TENM4: variants seen among roughly 807,000 people sequenced by gnomAD.
The protein encoded by TENM4 is teneurin-4.
In TENM4, 82 loss-of-function variants were observed where a neutral mutation model predicts 243.3. The ratio of observed to expected loss-of-function variants is 0.34; its 90% confidence interval spans 0.28 to 0.40. The LOEUF is 0.40. TENM4 is among the 10% of genes least tolerant of loss of function. The pLI, the probability that TENM4 is intolerant of heterozygous loss-of-function variation, is 1.00. For missense variants in TENM4, 3,138 were observed against 3,673.3 expected (o/e 0.85, Z 3.77); for synonymous variants, 1,412 against 1,456.3 (o/e 0.97, Z 0.69).
intron 3 of TENM4, among the ~76,000 whole-genome samples, chr11:79,168,599 A>T (rs1412149846): frequency 1.3e-5 from 2 of 152,176 alleles, no homozygotes; most frequent in Non-Finnish European, 2.9e-5. Context: ...TAGCTGGTTG[A>T]TACAGCATCT....
intron 19 of TENM4, among the ~76,000 whole-genome samples, chr11:78,750,449 C>T (rs1300920210): frequency 1.3e-5 from 2 of 152,228 alleles, no homozygotes; most frequent in Admixed American, 6.5e-5. Context: ...AGGCCATCTC[C>T]TGCCAGAAGT....
intron 6 of TENM4, among the ~76,000 whole-genome samples, chr11:78,909,061 A>C (rs1164241931): frequency 6.6e-6 from 1 of 152,212 alleles, no homozygotes; most frequent in African/African-American, 2.4e-5. Context: ...TCATCTATAA[A>C]ATGTATATAT....
intron 2 of TENM4, among the ~76,000 whole-genome samples, chr11:79,289,424 C>T (rs958769156): frequency 4.6e-5 from 7 of 152,228 alleles, no homozygotes; most frequent in Non-Finnish European, 8.8e-5. Flanking sequence ...AGTTGAGTCT[C>T]CAGGAATGGC....
At chr11:79,136,405 G>A (rs552707204) in intron 4 of TENM4, among the ~76,000 whole-genome samples, 2 of 152,266 alleles carry the variant, frequency 1.3e-5, no homozygotes, top group African/African-American at 2.4e-5. Flanking sequence ...GTGGGCCCAT[G>A]AACAATGTGG....
chr11:78,992,433 T>C (rs1028915391), intron 6 of TENM4, among the ~76,000 whole-genome samples: 1 of 152,244 alleles, frequency 6.6e-6, no homozygotes, highest in Admixed American at 6.5e-5. Flanking sequence ...CCAAGGACTC[T>C]TTCTCTGATT....
chr11:78,779,586 C>A (rs1042731085), intron 16 of TENM4, among the ~76,000 whole-genome samples: 21 of 152,146 alleles, frequency 1.4e-4, no homozygotes, highest in African/African-American at 4.3e-4. Context: ...TCACTAATAC[C>A]ATTTCACCTG....
Position 79,139,567 on chromosome 11 carries a change from ATATAAAATATATATTATATTTCT to A in TENM4, c.-66+9120_-66+9142del, listed in dbSNP as rs1862222369. ...AAATATATATTATATTTATAGAAAT[ATATAAAATATATATTATATTTCT>A]AGAAATATATAAAATATATATTATA... On this transcript the variant is annotated intron_variant, in intron 4 of 33. Transcript: ENST00000278550. Among the ~76,000 whole-genome samples the A allele has an allele frequency of 8.3e-5, 8 of 96,102 alleles. 2 individuals carry two copies. The highest frequency in any genetic ancestry group is 1.5e-4 in the Non-Finnish European group (8 of 54,734). 63.0% of individuals were successfully genotyped at this position (96,102 alleles called of 152,430 possible).
chr11:78,848,313 G>C (rs1858451478), intron 12 of TENM4, among the ~76,000 whole-genome samples: 1 of 152,054 alleles, frequency 6.6e-6, no homozygotes, highest in Non-Finnish European at 1.5e-5. Flanking sequence ...AATACTTAAA[G>C]AATAAACTTT....
chr11:78,779,378 T>C (rs192956120), intron 16 of TENM4, among the ~76,000 whole-genome samples: 2 of 152,366 alleles, frequency 1.3e-5, no homozygotes, highest in African/African-American at 2.4e-5. Context: ...TCAATGCTTA[T>C]TAACCCTAAA....
intron 2 of TENM4, among the ~76,000 whole-genome samples, chr11:79,230,826 G>T (rs1044821446): frequency 3.3e-5 from 5 of 152,138 alleles, no homozygotes; most frequent in African/African-American, 1.2e-4. Flanking sequence ...CTGGGCCTTT[G>T]GACTAAGATC....
intron 6 of TENM4, among the ~76,000 whole-genome samples, chr11:78,976,548 T>C (rs1857659089): frequency 6.6e-6 from 1 of 152,242 alleles, no homozygotes; most frequent in Non-Finnish European, 1.5e-5. Context: ...CGCCAAGGCC[T>C]CTTGCTTGCA....
At chr11:78,758,412 T>C (rs1856359141) in intron 18 of TENM4, among the ~76,000 whole-genome samples, 1 of 152,224 alleles carries the variant, frequency 6.6e-6, no homozygotes, top group Admixed American at 6.5e-5. Flanking sequence ...CAGTGTGCTA[T>C]GGTAGGAGGA....
At chr11:78,830,183 T>C (rs999533977) in intron 12 of TENM4, among the ~76,000 whole-genome samples, 1 of 152,230 alleles carries the variant, frequency 6.6e-6, no homozygotes, top group African/African-American at 2.4e-5. Flanking sequence ...AGATCTAGCC[T>C]ATTCCTAGAA....
rs1014790588 is a variant in TENM4, at chr11:78,996,401, G to A, written c.493+68337C>T. Among the ~76,000 whole-genome samples, 37 of 152,178 alleles carry A rather than the reference G, an allele frequency of 2.4e-4. 1 individual carries two copies. Among genetic ancestry groups the A allele is most frequent in the Non-Finnish European group, 4.4e-5 (3 of 68,040 alleles). ...TGAAGGCACAGAACACATGAGTAAA[G>A]CCATCTTCGATGTTTTAGCCCCAGC... On this transcript the variant is annotated intron_variant, in intron 6 of 33. Coordinates refer to ENST00000278550, the MANE Select transcript of TENM4 (RefSeq NM_001098816.3).
chr11:79,028,889 G>A (rs1859155219), intron 6 of TENM4, among the ~76,000 whole-genome samples: 5 of 152,118 alleles, frequency 3.3e-5, no homozygotes, highest in Admixed American at 3.3e-4. Flanking sequence ...CATAATCTCT[G>A]GGTAGAAGGC....
intron 2 of TENM4, among the ~76,000 whole-genome samples, chr11:79,237,533 T>C (rs1864499645): frequency 6.6e-6 from 1 of 151,980 alleles, no homozygotes; most frequent in Non-Finnish European, 1.5e-5. Flanking sequence ...AAACATTAGC[T>C]GGGTGTGGTG....
chr11:79,164,206 GTA>G (rs1381311416), intron 3 of TENM4, among the ~76,000 whole-genome samples: 3 of 117,422 alleles, frequency 2.6e-5, no homozygotes, highest in Non-Finnish European at 5.0e-5. Context: ...TATATATAGT[GTA>G]TAGTATATAG....
At chr11:78,775,870 A>C (rs577759550) in intron 17 of TENM4, among the ~76,000 whole-genome samples, 1 of 152,352 alleles carries the variant, frequency 6.6e-6, no homozygotes, top group East Asian at 1.9e-4. Context: ...CTTTATCTTC[A>C]ATCTCCTGCT....
intron 1 of TENM4, among the ~76,000 whole-genome samples, chr11:79,301,046 C>T (rs1293741279): frequency 6.6e-6 from 1 of 152,208 alleles, no homozygotes; most frequent in African/African-American, 2.4e-5. Context: ...TCCATGCCCT[C>T]ATTCATGACA....
Sources: gnomAD v4.1 joint callset for allele counts (sites outside exome capture counted in the v4.1 genomes callset) on GRCh38, gnomAD v4.1.1 for gene constraint, MANE v1.5 for transcripts, NCBI Gene and HGNC (gene_info 2026-07-23, HGNC 2026-07-21) for gene names.